MYCBP2: variants seen among roughly 807,000 people sequenced by gnomAD.
The protein encoded by MYCBP2 is E3 ubiquitin-protein ligase MYCBP2.
In MYCBP2, 120 loss-of-function variants were observed where a neutral mutation model predicts 525.3. That is an observed-to-expected ratio of 0.23 (90% CI 0.20 to 0.27). The LOEUF (loss-of-function observed/expected upper bound fraction) is 0.27, where lower values mean the gene tolerates loss of function less well. Ranked by LOEUF, MYCBP2 falls within the 10% of genes least tolerant of loss-of-function variation. MYCBP2 has a pLI of 1.00. For synonymous variants in MYCBP2, 1,894 were observed against 1,955.8 expected (o/e 0.97, Z 0.83); for missense variants, 4,149 against 5,657.1 (o/e 0.73, Z 8.55).
At chr13:77,134,239 G>A (rs983223823) in intron 52 of MYCBP2, among the ~76,000 whole-genome samples, 7 of 152,022 alleles carry the variant, frequency 4.6e-5, no homozygotes, top group African/African-American at 1.2e-4. Flanking sequence ...GTTCTCAGCC[G>A]GGTGCAGTGG....
chr13:77,226,916 A>T (rs2066363864), intron 18 of MYCBP2, among the ~76,000 whole-genome samples: 1 of 152,204 alleles, frequency 6.6e-6, no homozygotes. Flanking sequence ...GTTACCTTCA[A>T]GCAGTACAGA....
chr13:77,164,180 G>A (rs1331406845), intron 43 of MYCBP2, among the ~76,000 whole-genome samples: 3 of 151,986 alleles, frequency 2.0e-5, no homozygotes, highest in Admixed American at 6.5e-5. Context: ...TATATATTCA[G>A]TGCTTGGCTG....
At chr13:77,295,287 C>T (rs965166191) in intron 2 of MYCBP2, among the ~76,000 whole-genome samples, 2 of 152,188 alleles carry the variant, frequency 1.3e-5, no homozygotes, top group African/African-American at 4.8e-5. Context: ...GCACCCACCA[C>T]CACGCCCAGC....
At chr13:77,298,820 C>T (rs1322913472) in intron 1 of MYCBP2, among the ~76,000 whole-genome samples, 2 of 152,054 alleles carry the variant, frequency 1.3e-5, no homozygotes, top group Non-Finnish European at 2.9e-5. Flanking sequence ...ATTAACAGTG[C>T]CAAATGCTAA....
Position 77,088,846 on chromosome 13 carries a change from C to T in MYCBP2, c.10711G>A (p.Val3571Ile). The change falls in exon 61 of 83, where the codon GTT (valine) becomes ATT (isoleucine). Residue 3571 changes from valine (V) to isoleucine (I), a missense_variant. Transcript: ENST00000544440. ...TGTCTTCATACCTCCATAGCAAAAA[C>T]TCGACAAGCAGATTTCCTTAGGGCC... ...KQALRKSACR[V>I]FAMEAFNWLL... 1 of 1,611,870 alleles carries T rather than the reference C, an allele frequency of 6.2e-7. No homozygotes were observed. The highest frequency in any genetic ancestry group is 8.5e-7 in the Non-Finnish European group (1 of 1,178,604).
In MYCBP2 at chr13:77,067,809, C is replaced by A; in HGVS notation, c.12227G>T (p.Ser4076Ile). 1 of 1,614,150 alleles carries A rather than the reference C, an allele frequency of 6.2e-7. No homozygotes were observed. Reference sequence around the variant, plus strand: ...GGGGAGGGATTTCACTCCTATGATGCTGGCCAGACGACTAGGGGTTACTTC... The same window carrying A: ...GGGGAGGGATTTCACTCCTATGATGATGGCCAGACGACTAGGGGTTACTTC... The part of the protein sequence containing the change: ...LPEVTPSRLA[S>I]IIGVKSLPPA... Residue 4076 changes from serine to isoleucine, a missense_variant, in exon 71 of 83, where the codon AGC becomes ATC. Ser to Ile is a moderately radical substitution (Grantham distance 142). Transcript: ENST00000544440.
At chr13:77,188,073 C>CAAAAA (rs745537934) in intron 30 of MYCBP2, among the ~76,000 whole-genome samples, 614 of 53,198 alleles carry the variant, frequency 0.012, 2 homozygotes, top group Non-Finnish European at 0.017. Flanking sequence ...TCTGCCTCAC[C>CAAAAA]AAAAAAAAAA....
Position 77,270,344 on chromosome 13 carries a change from G to C in MYCBP2, c.1140C>G (p.Cys380Trp). ...AGCCTATTTTATATAATCCATCCTT[G>C]CATAATAGATAAAGAAAAAATCCAT... ...QNDGFFLYLL[C>W]KDGLYKIGSG... Residue 380 changes from cysteine (C) to tryptophan (W), a missense_variant, in exon 6 of 83, where the codon TGC becomes TGG. Physicochemically the swap from Cys to Trp is radical, Grantham distance 215. This residue lies in a region of MYCBP2 where 262 missense variants were observed against 419.3 expected (regional missense o/e 0.62). Coordinates refer to ENST00000544440, the MANE Select transcript of MYCBP2 (RefSeq NM_015057.5). The C allele has an allele frequency of 6.2e-7, 1 of 1,613,290 alleles. No individual in the cohort carries two copies. Among genetic ancestry groups the C allele is most frequent in the Non-Finnish European group, 8.5e-7 (1 of 1,179,620 alleles).
At chr13:77,080,328 T>G (rs982734082) in intron 65 of MYCBP2, among the ~76,000 whole-genome samples, 1 of 152,116 alleles carries the variant, frequency 6.6e-6, no homozygotes, top group African/African-American at 2.4e-5. Flanking sequence ...AAAGGAAATA[T>G]GCAAATGGCA....
intron 68 of MYCBP2, among the ~76,000 whole-genome samples, chr13:77,071,340 A>G (rs1193430695): frequency 6.6e-6 from 1 of 151,724 alleles, no homozygotes; most frequent in Non-Finnish European, 1.5e-5. Context: ...ACAACCCCAG[A>G]AGGTAAATTG....
At chr13:77,139,988 C>A in intron 51 of MYCBP2, 59 bp downstream of exon 51, 1 of 1,161,218 alleles carries the variant, frequency 8.6e-7, no homozygotes, top group Non-Finnish European at 1.2e-6. Flanking sequence ...TATTATTATG[C>A]AAACAATGCA....
At chr13:77,184,166 C>T (rs1375868591) in intron 32 of MYCBP2, among the ~76,000 whole-genome samples, 1 of 152,148 alleles carries the variant, frequency 6.6e-6, no homozygotes, top group Non-Finnish European at 1.5e-5. Flanking sequence ...TTAGCTAAAT[C>T]CCACAAATTC....
At chr13:77,294,040 G>A (rs1364217902) in intron 2 of MYCBP2, among the ~76,000 whole-genome samples, 4 of 144,274 alleles carry the variant, frequency 2.8e-5, no homozygotes, top group Non-Finnish European at 6.0e-5. Flanking sequence ...ATTAAATAAA[G>A]GAGATGACTG....
At chr13:77,200,079 T>C (rs988965253) in intron 26 of MYCBP2, among the ~76,000 whole-genome samples, 42 of 152,146 alleles carry the variant, frequency 2.8e-4, no homozygotes, top group South Asian at 1.0e-3. Context: ...AGGCTTCAGA[T>C]GATCAAATTA....
intron 2 of MYCBP2, among the ~76,000 whole-genome samples, chr13:77,294,124 A>G (rs1224680228): frequency 1.5e-5 from 1 of 68,374 alleles, no homozygotes; most frequent in Non-Finnish European, 3.6e-5. Flanking sequence ...ATATATATAT[A>G]TATATACATA....
In MYCBP2 at chr13:77,064,033, A is replaced by G. The variant is rs571585915; in HGVS notation, c.12672+582T>C. Among the ~76,000 whole-genome samples, 4 of 152,258 alleles carry G rather than the reference A, an allele frequency of 2.6e-5. No homozygotes were observed. The South Asian group carries it at 8.3e-4, about 32-fold the overall frequency. ...CTGCCCTCCTTCAAGGAAATCTCAA[A>G]TCTCTTCTGGAAGTATATGGGACAT... On this transcript the variant is annotated intron_variant, in intron 73 of 82. Transcript: ENST00000544440.
chr13:77,045,837 C>T (rs1216009733), intron 82 of MYCBP2, among the ~76,000 whole-genome samples: 1 of 152,144 alleles, frequency 6.6e-6, no homozygotes, highest in Non-Finnish European at 1.5e-5. Context: ...CAAAACCCCT[C>T]AATTTAGTCT....
chr13:77,195,056 G>A (rs1205472891), intron 26 of MYCBP2, among the ~76,000 whole-genome samples: 1 of 151,646 alleles, frequency 6.6e-6, no homozygotes, highest in Non-Finnish European at 1.5e-5. Flanking sequence ...TTTTCCTCTG[G>A]ATAATTATGG....
intron 20 of MYCBP2, among the ~76,000 whole-genome samples, chr13:77,220,137 T>C (rs1408222455): frequency 6.6e-6 from 1 of 152,084 alleles, no homozygotes; most frequent in Admixed American, 6.6e-5. Context: ...GGTTTTATCA[T>C]GTCCTAGCAC....
Sources: gnomAD v4.1 joint callset for allele counts (sites outside exome capture counted in the v4.1 genomes callset) on GRCh38, gnomAD v4.1.1 for gene constraint, gnomAD v4.1.1 regional missense constraint, MANE v1.5 for transcripts, NCBI Gene and HGNC (gene_info 2026-07-23, HGNC 2026-07-21) for gene names.